The following RPS6KA5 variants were observed in gnomAD, a reference collection of about 807,000 sequenced individuals.
RPS6KA5 encodes the protein ribosomal protein S6 kinase alpha-5.
A neutral mutation model predicts 85.5 loss-of-function variants in RPS6KA5; 27 were observed. The ratio of observed to expected loss-of-function variants is 0.32; its 90% CI spans 0.23 to 0.44. The LOEUF is 0.44. RPS6KA5 is among the 20% of genes least tolerant of loss of function. RPS6KA5 has a pLI of 1.00. For missense variants in RPS6KA5, 811 were observed against 980.9 expected, an observed-to-expected ratio of 0.83 and a Z score of 2.31; for synonymous variants, 334 against 348.2, an observed-to-expected ratio of 0.96 and a Z score of 0.46.
chr14:91,057,162 G>C (rs895753993), intron 1 of RPS6KA5, among the ~76,000 whole-genome samples: 71 of 151,676 alleles, frequency 4.7e-4, no homozygotes, highest in African/African-American at 1.6e-3. Flanking sequence ...CTTAATTACT[G>C]GTTTATATGG....
Position 90,864,681 on chromosome 14 carries a change from T to C in RPS6KA5, c.*7393A>G, listed in dbSNP as rs2032725276. 1 of 151,958 alleles carries C rather than the reference T, an allele frequency of 6.6e-6. No individual in the cohort carries two copies. The highest frequency in any genetic ancestry group is 1.9e-4 in the East Asian group (1 of 5,180). 9.4% of individuals were successfully genotyped at this position (151,958 alleles called of 1,614,324 possible). A position where few individuals can be genotyped will look rare whatever the true frequency, so the allele number is the denominator to read the frequency against. ...AATATAAAAGACTCCTGCAAGTCAGTAAGAAAAAAAGACAACCCAATAAAT... is the reference window on the plus strand; with the variant it reads ...AATATAAAAGACTCCTGCAAGTCAGCAAGAAAAAAAGACAACCCAATAAAT... On this transcript the variant is annotated 3_prime_UTR_variant, in exon 17 of 17. Coordinates refer to ENST00000614987, the MANE Select transcript of RPS6KA5 (RefSeq NM_004755.4).
rs1323147339 is a variant in RPS6KA5 at position 90,854,449 on chromosome 14, C to G, written c.*17625G>C. ...TAGATTTCACAATGTACACTTGTCT[C>G]AAGTAAGTCTATTTAACTAGAATTT... On this transcript the variant is annotated 3_prime_UTR_variant, in exon 17 of 17. Transcript: ENST00000614987. 2.6e-5 allele frequency: 4 copies of G among 152,100 alleles called. No homozygotes were observed. In the South Asian group the frequency reaches 8.3e-4, roughly 32 times the overall value. The allele number at this position is 152,100 out of a possible 1,614,324, so 9.4% of individuals were successfully genotyped here. A position where few individuals can be genotyped will look rare whatever the true frequency, so the allele number is the denominator to read the frequency against.
chr14:91,052,560 C>T, intron 1 of RPS6KA5: 1 of 198,918 alleles, frequency 5.0e-6, no homozygotes, highest in East Asian at 1.7e-4. Flanking sequence ...CGCGGTGGCT[C>T]AAGCCTGTAA....
chr14:90,856,461 TAA>T lies in RPS6KA5; in HGVS notation c.*15611_*15612del, dbSNP rs1228244826. 1 of 151,696 alleles carries T rather than the reference TAA, an allele frequency of 6.6e-6. No homozygotes were observed. Among genetic ancestry groups the T allele is most frequent in the Non-Finnish European group, 1.5e-5 (1 of 68,112 alleles). The allele number at this position is 151,696 out of a possible 1,614,324, so 9.4% of individuals were successfully genotyped here. ...TCACTGCAACCTCTGCCTCCCGGGT[TAA>T]AGTGATTCTCCTGCCTCAGCCTCTC... On this transcript the variant is annotated 3_prime_UTR_variant, in exon 17 of 17. Transcript: ENST00000614987.
chr14:90,929,791 G>A (rs1179545243), intron 5 of RPS6KA5, among the ~76,000 whole-genome samples: 2 of 152,156 alleles, frequency 1.3e-5, no homozygotes, highest in African/African-American at 2.4e-5. Context: ...CGGGGGAAAG[G>A]AGAGGGAGGT....
chr14:90,850,973 C>T lies in RPS6KA5; in HGVS notation c.*21101G>A, dbSNP rs1428844751. ...TATAAAAAATCTACTTAATTTTATACTTTGTTAGTTCCTACTTCAAAATGC... is the reference window on the plus strand; with the variant it reads ...TATAAAAAATCTACTTAATTTTATATTTTGTTAGTTCCTACTTCAAAATGC... On this transcript the variant is annotated 3_prime_UTR_variant, in exon 17 of 17. Coordinates refer to ENST00000614987, the MANE Select transcript of RPS6KA5 (RefSeq NM_004755.4). 1 of 152,174 alleles carries T rather than the reference C, an allele frequency of 6.6e-6. No homozygotes were observed. Among genetic ancestry groups the T allele is most frequent in the Non-Finnish European group, 1.5e-5 (1 of 68,036 alleles). The allele number at this position is 152,174 out of a possible 1,614,324, so 9.4% of individuals were successfully genotyped here. A position where few individuals can be genotyped will look rare whatever the true frequency, so the allele number is the denominator to read the frequency against.
At position 90,876,658 on chromosome 14, in the gene RPS6KA5, T is replaced by A. The variant is rs150931863; in HGVS notation, c.1837-1298A>T. Among the ~76,000 whole-genome samples, 385 of 152,266 alleles carry A rather than the reference T, an allele frequency of 2.5e-3. 1 individual carries two copies. The highest frequency in any genetic ancestry group is 9.0e-3 in the African/African-American group (374 of 41,566). ...GGTGGGTTGGCTGGTGTTAAGTAGC[T>A]GTGTCTGGGTATGGACCAGAGAGGA... On this transcript the variant is annotated intron_variant, in intron 14 of 16. Transcript: ENST00000614987.
At chr14:90,923,352 T>G (rs771430936) in intron 5 of RPS6KA5, 156 bp from the exon 6 acceptor site, 14 of 625,426 alleles carry the variant, frequency 2.2e-5, no homozygotes, top group Non-Finnish European at 4.0e-5. Context: ...AACAGACCAC[T>G]GTCTACATAA....
intron 3 of RPS6KA5, among the ~76,000 whole-genome samples, chr14:90,957,971 T>A (rs1286098): frequency 0.82 from 124,799 of 151,770 alleles, 51,915 homozygotes; most frequent in East Asian, 0.97. Context: ...GCCAGACCTC[T>A]TCCCTAGAAA....
intron 2 of RPS6KA5, among the ~76,000 whole-genome samples, chr14:90,981,832 G>A (rs566816005): frequency 6.6e-6 from 1 of 152,224 alleles, no homozygotes; most frequent in Non-Finnish European, 1.5e-5. Context: ...AAGTATTTCA[G>A]ATAACGATCT....
intron 12 of RPS6KA5, among the ~76,000 whole-genome samples, chr14:90,895,578 T>C (rs1289273857): frequency 6.6e-6 from 1 of 152,122 alleles, no homozygotes; most frequent in Non-Finnish European, 1.5e-5. Context: ...TCTGTCAGAA[T>C]GGATAATTTC....
chr14:90,992,551 A>G (rs949745266), intron 2 of RPS6KA5, among the ~76,000 whole-genome samples: 4 of 152,224 alleles, frequency 2.6e-5, no homozygotes, highest in African/African-American at 7.2e-5. Context: ...AATTTCACAT[A>G]TATAAAATGG....
At chr14:91,051,576 C>T (rs1213641060) in intron 1 of RPS6KA5, among the ~76,000 whole-genome samples, 2 of 152,126 alleles carry the variant, frequency 1.3e-5, no homozygotes, top group Non-Finnish European at 2.9e-5. Context: ...GCAACCTCCG[C>T]CTCCCAGGTT....
chr14:90,936,009 T>C (rs1240392321), intron 5 of RPS6KA5, among the ~76,000 whole-genome samples: 1 of 152,166 alleles, frequency 6.6e-6, no homozygotes, highest in Non-Finnish European at 1.5e-5. Context: ...ATCCAATAAC[T>C]ACCAGATTCT....
chr14:91,039,137 A>G (rs982333723), intron 1 of RPS6KA5, among the ~76,000 whole-genome samples: 1 of 152,056 alleles, frequency 6.6e-6, no homozygotes, highest in East Asian at 1.9e-4. Flanking sequence ...CTTCCATTCA[A>G]TTCTAGTCCC....
At position 90,852,291 on chromosome 14, in the gene RPS6KA5, T is replaced by C. The variant is rs2032039595; in HGVS notation, c.*19783A>G. ...TTGTATTTTTATTAGAGACGGGGTT[T>C]CACCATGTTAGCCAGGATGGTCTCG... On this transcript the variant is annotated 3_prime_UTR_variant, in exon 17 of 17. Coordinates refer to ENST00000614987, the MANE Select transcript of RPS6KA5 (RefSeq NM_004755.4). 6.6e-6 allele frequency: 1 copy of C among 152,036 alleles called. No individual in the cohort carries two copies. The allele number at this position is 152,036 out of a possible 1,614,324, so 9.4% of individuals were successfully genotyped here.
chr14:90,899,516 A>G (rs886724067), intron 11 of RPS6KA5, 94 bp from the exon 12 acceptor site: 1 of 786,812 alleles, frequency 1.3e-6, no homozygotes, highest in East Asian at 2.4e-5. Flanking sequence ...TTTACAGTGC[A>G]TTCAGAATAT....
chr14:91,012,028 C>G (rs1048203558), intron 1 of RPS6KA5, among the ~76,000 whole-genome samples: 3 of 152,134 alleles, frequency 2.0e-5, no homozygotes, highest in Admixed American at 6.5e-5. Flanking sequence ...ATCTACAGAA[C>G]ATCAATTTCT....
chr14:91,052,621 G>A (rs1292724029), intron 1 of RPS6KA5, among the ~76,000 whole-genome samples: 10 of 150,976 alleles, frequency 6.6e-5, no homozygotes, highest in Non-Finnish European at 1.0e-4. Flanking sequence ...TCAGGAGATC[G>A]AGACCGTCCT....
Sources: gnomAD v4.1 joint callset for allele counts (sites outside exome capture counted in the v4.1 genomes callset) on GRCh38, gnomAD v4.1.1 for gene constraint, MANE v1.5 for transcripts, NCBI Gene and HGNC (gene_info 2026-07-23, HGNC 2026-07-21) for gene names.